Variants in EVC2 observed in about 807,000 individuals in gnomAD.
EVC2 encodes EvC ciliary complex subunit 2.
EVC2 carries 148 observed loss-of-function variants against 149.3 expected under a neutral mutation model. That is an observed-to-expected ratio of 0.99 (90% CI 0.87 to 1.14). The LOEUF (loss-of-function observed/expected upper bound fraction) is 1.14, where lower values mean the gene tolerates loss of function less well. Ranked by LOEUF, EVC2 falls within the 50% of genes most tolerant of loss-of-function variation. The pLI is 0.00. For synonymous variants in EVC2, 776 were observed against 649.9 expected, an observed-to-expected ratio of 1.19 and a Z score of -2.95; for missense variants, 1,854 against 1,627.3, an observed-to-expected ratio of 1.14 and a Z score of -2.40.
intron 1 of EVC2, among the ~76,000 whole-genome samples, chr4:5,701,073 T>C (rs1489227793): frequency 1.3e-5 from 2 of 152,052 alleles, no homozygotes; most frequent in African/African-American, 4.8e-5. Context: ...GGAAAACCCA[T>C]TTCCTCTCCT....
intron 9 of EVC2, among the ~76,000 whole-genome samples, chr4:5,656,468 C>T (rs1439382166): frequency 6.6e-6 from 1 of 152,168 alleles, no homozygotes; most frequent in Non-Finnish European, 1.5e-5. Context: ...GGAAAAGGGC[C>T]TTTGCAGATA....
At chr4:5,578,334 A>G (rs1018903383) in intron 17 of EVC2, among the ~76,000 whole-genome samples, 5 of 152,240 alleles carry the variant, frequency 3.3e-5, no homozygotes, top group African/African-American at 1.2e-4. Flanking sequence ...GCTGGCATTT[A>G]CTGAATGCCA....
At position 5,640,462 on chromosome 4, in the gene EVC2, C is replaced by CA; in HGVS notation, c.1470+51dup. The CA allele has an allele frequency of 6.2e-7, 1 of 1,609,666 alleles. No individual in the cohort carries two copies. Among genetic ancestry groups the CA allele is most frequent in the Non-Finnish European group, 8.5e-7 (1 of 1,176,208 alleles). ...GATGAGTGGGTAGATGGATAAATGA[C>CA]AAATCCCTGAGAGAAAGGGAAGTGA... is the stretch of plus-strand genomic sequence containing the variant. On this transcript the variant is annotated intron_variant, in intron 10 of 21. Coordinates refer to ENST00000344408, the MANE Select transcript of EVC2 (RefSeq NM_147127.5). This position sits in a 1 kb window ranked among gnomAD's most constrained non-coding sequence, Gnocchi z 4.6.
At chr4:5,532,998 T>A in the EVC2 span, among the ~76,000 whole-genome samples, 3 of 150,850 alleles carry the variant, frequency 2.0e-5, no homozygotes, top group Non-Finnish European at 1.5e-5. Context: ...ATTCACTCAT[T>A]CATTCAGCAG....
downstream of EVC2, among the ~76,000 whole-genome samples, chr4:5,541,757 A>T (rs999104427): frequency 6.6e-6 from 1 of 152,166 alleles, no homozygotes; most frequent in African/African-American, 2.4e-5. Context: ...TTTCTGTAAA[A>T]ATAGATGATT....
At chr4:5,535,230 T>A in the EVC2 span, among the ~76,000 whole-genome samples, 1 of 152,282 alleles carries the variant, frequency 6.6e-6, no homozygotes, top group Admixed American at 6.5e-5. This position sits in a 1 kb window ranked among gnomAD's most constrained non-coding sequence, Gnocchi z 4.7. Context: ...ACTGGGAGGC[T>A]GGACCCCCGA....
chr4:5,659,122 T>A (rs138034022), intron 9 of EVC2, among the ~76,000 whole-genome samples: 156 of 152,188 alleles, frequency 1.0e-3, no homozygotes, highest in Non-Finnish European at 1.9e-3. Flanking sequence ...CAAAAATAAC[T>A]CGGCAGGATA....
At chr4:5,542,997 A>C in intron 22 of EVC2, 1 of 486,168 alleles carries the variant, frequency 2.1e-6, no homozygotes, top group South Asian at 1.9e-5. Flanking sequence ...CTCCACCCAC[A>C]CTGTTAAGTG....
intron 21 of EVC2, among the ~76,000 whole-genome samples, chr4:5,549,185 G>T (rs1721685102): frequency 6.6e-6 from 1 of 152,132 alleles, no homozygotes; most frequent in African/African-American, 2.4e-5. Flanking sequence ...TTGTTATAAT[G>T]TCAATATAAT....
intron 9 of EVC2, among the ~76,000 whole-genome samples, chr4:5,662,781 A>G (rs1718987348): frequency 6.6e-6 from 1 of 151,484 alleles, no homozygotes; most frequent in Admixed American, 6.6e-5. Flanking sequence ...CATTTCTGTG[A>G]CTTTCTCAGA....
At chr4:5,708,885 A>C, upstream of EVC2, 1 of 186,834 alleles carries the variant, frequency 5.4e-6, no homozygotes, top group Non-Finnish European at 1.1e-5. Flanking sequence ...TTCCTGACAC[A>C]CGGATGTGAA....
chr4:5,684,693 G>T (rs1181443280), intron 6 of EVC2, among the ~76,000 whole-genome samples: 1 of 152,226 alleles, frequency 6.6e-6, no homozygotes. Context: ...TTATGGGCCA[G>T]ACTGTGTTTC....
At chr4:5,695,221 G>A (rs574802943) in intron 2 of EVC2, among the ~76,000 whole-genome samples, 5 of 152,012 alleles carry the variant, frequency 3.3e-5, no homozygotes, top group African/African-American at 4.8e-5. Context: ...GGTGGTGTGC[G>A]CCTGTAGTCC....
chr4:5,649,458 T>G, intron 9 of EVC2, among the ~76,000 whole-genome samples: 1 of 152,236 alleles, frequency 6.6e-6, no homozygotes, highest in Non-Finnish European at 1.5e-5. Flanking sequence ...ATATTTTGAT[T>G]AGCTACTAAT....
intron 17 of EVC2, among the ~76,000 whole-genome samples, chr4:5,583,874 G>C (rs1386650409): frequency 1.0e-5 from 1 of 99,190 alleles, no homozygotes; most frequent in Non-Finnish European, 2.1e-5. Context: ...TTTTTTTTTT[G>C]AGACGGAGTC....
intron 7 of EVC2, among the ~76,000 whole-genome samples, chr4:5,672,067 G>C (rs1000289950): frequency 2.0e-5 from 3 of 152,240 alleles, no homozygotes; most frequent in African/African-American, 7.2e-5. Flanking sequence ...CAGTCCTACA[G>C]AGGAATGAAC....
chr4:5,662,069 C>G (rs186354427), intron 9 of EVC2, among the ~76,000 whole-genome samples: 23 of 152,324 alleles, frequency 1.5e-4, no homozygotes, highest in African/African-American at 5.3e-4. Context: ...TGGCCTCTCT[C>G]CCCTGCTGCC....
chr4:5,588,775 T>C (rs1022287898), intron 16 of EVC2, among the ~76,000 whole-genome samples: 2 of 152,246 alleles, frequency 1.3e-5, no homozygotes, highest in African/African-American at 4.8e-5. Flanking sequence ...TCCATATCTA[T>C]ACTTAACCTT....
rs745891912 is a variant in EVC2 at position 5,691,342 on chromosome 4, A to G, written c.451-9T>C. ...CTTGAAATGTCCCCATACTACAATAAAATGTAAAAGTTATTAGAAAATGAG... is the reference window on the plus strand; with the variant it reads ...CTTGAAATGTCCCCATACTACAATAGAATGTAAAAGTTATTAGAAAATGAG... On this transcript the variant is annotated splice_polypyrimidine_tract_variant and intron_variant, in intron 3 of 21. Coordinates refer to ENST00000344408, the MANE Select transcript of EVC2 (RefSeq NM_147127.5). The G allele has an allele frequency of 6.2e-7, 1 of 1,605,824 alleles. No individual in the cohort carries two copies. Among genetic ancestry groups the G allele is most frequent in the Non-Finnish European group, 8.5e-7 (1 of 1,172,880 alleles).
Sources: allele counts gnomAD v4.1 joint callset (sites outside exome capture counted in the v4.1 genomes callset), GRCh38; gene constraint gnomAD v4.1.1; non-coding constraint Gnocchi (gnomAD v3.1); transcripts MANE v1.5; gene names NCBI Gene and HGNC (gene_info 2026-07-23, HGNC 2026-07-21).